The following PLCH2 variants were observed in gnomAD, a reference collection of about 807,000 sequenced individuals.
The protein encoded by PLCH2 is phospholipase C eta 2, also known as 1-phosphatidylinositol 4,5-bisphosphate phosphodiesterase eta-2.
In PLCH2, 98 loss-of-function variants were observed where a neutral mutation model predicts 134.7. The ratio of observed to expected loss-of-function variants is 0.73; its 90% CI spans 0.62 to 0.86. PLCH2 has a LOEUF of 0.86. PLCH2 is among the 40% of genes least tolerant of loss of function. PLCH2 has a pLI of 0.00. For missense variants in PLCH2, 1,994 were observed against 1,986.6 expected, an observed-to-expected ratio of 1.00 and a Z score of -0.07; for synonymous variants, 974 against 827.5, an observed-to-expected ratio of 1.18 and a Z score of -3.04.
chr1:2,505,281 GA>G lies in PLCH2; in HGVS notation c.*71del. 1 of 1,272,784 alleles carries G rather than the reference GA, an allele frequency of 7.9e-7. No homozygotes were observed. Among genetic ancestry groups the G allele is most frequent in the South Asian group, 1.4e-5 (1 of 72,956 alleles). 78.8% of individuals were successfully genotyped at this position (1,272,784 alleles called of 1,614,324 possible). ...AGGGGTGGGCGTGTTGTTTGCTCAG[GA>G]AACAGGGCAGCCAGGCCCCCAAAAC... On this transcript the variant is annotated 3_prime_UTR_variant, in exon 22 of 22. Transcript: ENST00000378486.
chr1:2,445,935 A>T (rs1639922382), intron 2 of PLCH2, among the ~76,000 whole-genome samples: 1 of 152,286 alleles, frequency 6.6e-6, no homozygotes, highest in East Asian at 1.9e-4. Flanking sequence ...CTGCTGTCGC[A>T]CCCACAGTGC....
At chr1:2,485,289 TG>T (rs1642228970) in intron 5 of PLCH2, among the ~76,000 whole-genome samples, 1 of 152,216 alleles carries the variant, frequency 6.6e-6, no homozygotes, top group Non-Finnish European at 1.5e-5. Context: ...GTATCAGGCC[TG>T]GGCAGGGACT....
upstream of PLCH2, among the ~76,000 whole-genome samples, chr1:2,466,349 G>A (rs1048437485): frequency 6.6e-6 from 1 of 152,242 alleles, no homozygotes; most frequent in Admixed American, 6.5e-5. Flanking sequence ...GGCTGGTCCA[G>A]CCGAGGGTCC....
rs1570290412 is a variant in PLCH2, at chr1:2,448,814, C to T, written c.115+18185C>T. ...GCTCCACAGGTGACCAAGAGGGGTA[C>T]TGGAGGCCTGGACGGGCCTCACTCC... On this transcript the variant is annotated intron_variant, in intron 2 of 3. Transcript: ENST00000609981. The surrounding 1 kb of genome is among the most constrained non-coding windows in gnomAD (Gnocchi z 4.0). 1.3e-5 allele frequency among the ~76,000 whole-genome samples: 2 copies of T among 152,188 alleles called. No homozygotes were observed. The highest frequency in any genetic ancestry group is 4.8e-5 in the African/African-American group (2 of 41,458).
intron 5 of PLCH2, among the ~76,000 whole-genome samples, chr1:2,485,346 A>C (rs1570431625): frequency 6.6e-6 from 1 of 152,222 alleles, no homozygotes; most frequent in Admixed American, 6.5e-5. Context: ...CCAGCCAGGC[A>C]GCGGAGGGGA....
At chr1:2,428,142 G>A (rs1638889387) in intron 1 of PLCH2, among the ~76,000 whole-genome samples, 1 of 152,224 alleles carries the variant, frequency 6.6e-6, no homozygotes, top group Admixed American at 6.5e-5. Flanking sequence ...GTCCAGCCTG[G>A]CCCCGAGTGA....
chr1:2,489,052 C>T (rs1306068442), intron 8 of PLCH2, among the ~76,000 whole-genome samples, 155 bp from the exon 9 acceptor site: 1 of 152,212 alleles, frequency 6.6e-6, no homozygotes, highest in African/African-American at 2.4e-5. Flanking sequence ...GGTGGGCCAC[C>T]TCCCAGAGCT....
chr1:2,461,439 T>C (rs1640796543), intron 2 of PLCH2, among the ~76,000 whole-genome samples: 2 of 152,190 alleles, frequency 1.3e-5, no homozygotes, highest in Non-Finnish European at 1.5e-5. Context: ...CGGGCTGAGC[T>C]CGGTCCATGT....
Position 2,487,188 on chromosome 1 carries a change from C to T in PLCH2, c.926C>T (p.Thr309Ile). ...CGTCCTGCAGGCTTCACCAACTACACCAGGAGCCCTGCTGGTGACATCTTC... is the reference window on the plus strand; with the variant it reads ...CGTCCTGCAGGCTTCACCAACTACATCAGGAGCCCTGCTGGTGACATCTTC... The part of the protein sequence containing the change: ...LLGIDGFTNY[T>I]RSPAGDIFNP... The change falls in exon 7 of 22, where the codon ACC becomes ATC. Residue 309 changes from threonine to isoleucine, a missense_variant. Physicochemically the swap from Thr to Ile is moderately conservative, Grantham distance 89 (BLOSUM62 -1). Around this residue, in one of 2 missense-constraint regions of PLCH2, gnomAD observed 1,094 missense variants for 1,234.3 expected, o/e 0.89. Transcript: ENST00000378486. 6.4e-7 allele frequency: 1 copy of T among 1,573,274 alleles called. No individual in the cohort carries two copies. The highest frequency in any genetic ancestry group is 8.6e-7 in the Non-Finnish European group (1 of 1,160,472).
intron 13 of PLCH2, among the ~76,000 whole-genome samples, chr1:2,496,145 C>T (rs1642870307): frequency 6.6e-6 from 1 of 152,194 alleles, no homozygotes; most frequent in South Asian, 2.1e-4. Context: ...TGGGCACAGC[C>T]CCCTCCTGTC....
chr1:2,478,501 A>G lies in PLCH2; in HGVS notation c.150A>G (p.Gln50=). Residue 50 remains glutamine, a synonymous_variant, in exon 2 of 22, where the codon CAA becomes CAG. Transcript: ENST00000378486. ...TGGAGCGGTGCATGGGTGCCATGCAAGAGGGGATGCAGATGGTGAAGCTGC... is the reference window on the plus strand; with the variant it reads ...TGGAGCGGTGCATGGGTGCCATGCAGGAGGGGATGCAGATGGTGAAGCTGC... ...PLVERCMGAM[Q]EGMQMVKLRG... The G allele has an allele frequency of 6.2e-7, 1 of 1,612,830 alleles. No individual in the cohort carries two copies. The highest frequency in any genetic ancestry group is 2.2e-5 in the East Asian group (1 of 44,886).
At chr1:2,502,763 A>C in intron 21 of PLCH2, 1 of 716,640 alleles carries the variant, frequency 1.4e-6, no homozygotes, top group Non-Finnish European at 2.6e-6. Flanking sequence ...GGACTCCAGC[A>C]GCCCAGACAG....
intron 20 of PLCH2, chr1:2,501,834 C>G (rs1395216909): frequency 2.6e-5 from 11 of 420,326 alleles, no homozygotes; most frequent in African/African-American, 2.1e-4. Flanking sequence ...CCCACATGCC[C>G]TGGACAGGTC....
chr1:2,502,221 G>T lies in PLCH2; in HGVS notation c.2771G>T (p.Arg924Leu), dbSNP rs896678802. The change falls in exon 21 of 22, where the codon CGG becomes CTG. Residue 924 changes from arginine to leucine, a missense_variant. Coordinates refer to ENST00000378486, the MANE Select transcript of PLCH2 (RefSeq NM_014638.4). ...CCGGCCCGGCCCTCCGTTAGCCAGC[G>T]GATCCTGCGGCGCACGGCCAGCGCC... ...RPPARPSVSQRILRRTASAPT... is the reference protein window; with the variant it reads ...RPPARPSVSQLILRRTASAPT... 6.5e-7 allele frequency: 1 copy of T among 1,540,468 alleles called. No homozygotes were observed. The highest frequency in any genetic ancestry group is 2.0e-5 in the Admixed American group (1 of 50,566).
intron 2 of PLCH2, among the ~76,000 whole-genome samples, chr1:2,449,891 A>G (rs1406249182): frequency 6.6e-6 from 1 of 152,222 alleles, no homozygotes; most frequent in East Asian, 1.9e-4. Flanking sequence ...TCTCTGGGGA[A>G]CCAACAGCCC....
chr1:2,501,601 G>A (rs1643228957), intron 20 of PLCH2: 1 of 155,388 alleles, frequency 6.4e-6, no homozygotes, highest in Admixed American at 6.5e-5. Flanking sequence ...GCAGGACACG[G>A]GCCGGGCAAG....
upstream of PLCH2, among the ~76,000 whole-genome samples, chr1:2,471,754 C>T (rs1052259922): frequency 7.9e-5 from 12 of 152,156 alleles, no homozygotes; most frequent in African/African-American, 2.4e-4. Context: ...GGACACTGGC[C>T]GTTCCAGCTC....
At position 2,498,445 on chromosome 1, in the gene PLCH2, C is replaced by A. The variant is rs1570480152; in HGVS notation, c.2225-78C>A. On this transcript the variant is annotated intron_variant, in intron 16 of 21. Coordinates refer to ENST00000378486, the MANE Select transcript of PLCH2 (RefSeq NM_014638.4). The surrounding 1 kb of genome is among the most constrained non-coding windows in gnomAD (Gnocchi z 5.4). The stretch of plus-strand genomic sequence containing the variant: ...TCCTATGTGGGGGCTGGGGAGGGGG[C>A]TGTTGGCAGCCATGCCCCAGCAAGC... The A allele has an allele frequency of 1.6e-5, 24 of 1,502,790 alleles. No homozygotes were observed. In the South Asian group the frequency reaches 2.8e-4, roughly 17 times the overall value. 93.1% of individuals were successfully genotyped at this position (1,502,790 alleles called of 1,614,324 possible). A position where few individuals can be genotyped will look rare whatever the true frequency, so the allele number is the denominator to read the frequency against.
intron 4 of PLCH2, 81 bp from the exon 5 acceptor site, chr1:2,484,367 G>A (rs1642178378): frequency 1.9e-5 from 26 of 1,383,672 alleles, no homozygotes; most frequent in Non-Finnish European, 2.6e-5. Context: ...CTTGACTGGG[G>A]AGTGGGGTGG....
Sources: gnomAD v4.1 joint callset for allele counts (sites outside exome capture counted in the v4.1 genomes callset) on GRCh38, gnomAD v4.1.1 for gene constraint, gnomAD v4.1.1 regional missense constraint, Gnocchi (gnomAD v3.1) non-coding constraint, MANE v1.5 for transcripts, NCBI Gene and HGNC (gene_info 2026-07-23, HGNC 2026-07-21) for gene names.